The following CC2D2B variants were observed in gnomAD, a reference collection of about 807,000 sequenced individuals.
CC2D2B encodes coiled-coil and C2 domain containing 2B.
Under a neutral mutation model 161.2 loss-of-function variants are expected in CC2D2B, and 128 were observed. The observed-to-expected ratio is 0.79, with a 90% CI of 0.69 to 0.92. CC2D2B has a LOEUF of 0.92. Among genes scored for constraint, CC2D2B ranks in the 40% least tolerant of loss-of-function variants. The pLI, the probability that CC2D2B is intolerant of heterozygous loss-of-function variation, is 0.00. For synonymous variants in CC2D2B, 391 were observed against 449.8 expected (o/e 0.87, Z 1.65); for missense variants, 1,173 against 1,375.1 (o/e 0.85, Z 2.32).
intron 17 of CC2D2B, among the ~76,000 whole-genome samples, chr10:95,978,399 C>CT (rs2077394403): frequency 6.6e-6 from 1 of 152,162 alleles, no homozygotes; most frequent in Non-Finnish European, 1.5e-5. Flanking sequence ...GGGTCTCACT[C>CT]TGTCACTCAG....
intron 11 of CC2D2B, among the ~76,000 whole-genome samples, chr10:95,958,303 T>C (rs1013924465): frequency 7.9e-5 from 12 of 151,974 alleles, no homozygotes; most frequent in Non-Finnish European, 1.2e-4. Context: ...ACTAGCGTAG[T>C]TAACATGGTG....
intron 9 of CC2D2B, among the ~76,000 whole-genome samples, chr10:95,947,434 T>A (rs2076259840): frequency 7.0e-6 from 1 of 142,838 alleles, no homozygotes; most frequent in African/African-American, 2.4e-5. Flanking sequence ...ACTTTCTTAA[T>A]AAACTTGCTT....
intron 33 of CC2D2B, among the ~76,000 whole-genome samples, chr10:96,025,152 AAAATATATATATAT>A (rs2079643409): frequency 4.0e-5 from 1 of 25,156 alleles, no homozygotes; most frequent in Admixed American, 6.7e-4. Context: ...CTACTAAAAA[AAAATATATATATAT>A]ATATATATAT....
chr10:95,935,551 A>C lies in CC2D2B; in HGVS notation c.337-2440A>C, dbSNP rs140760617. 7.4e-3 allele frequency among the ~76,000 whole-genome samples: 1,114 copies of C among 151,268 alleles called. 5 individuals are homozygous for C. The highest frequency in any genetic ancestry group is 0.038 in the South Asian group (182 of 4,788). On this transcript the variant is annotated intron_variant, in intron 6 of 34. Coordinates refer to ENST00000646931, the MANE Select transcript of CC2D2B (RefSeq NM_001349008.3). ...CCTCATTCACAATAAAAGTCCTTAC[A>C]GGGGGGACCTGGTCCCCTTAGCACC... is the stretch of plus-strand genomic sequence containing the variant.
At chr10:95,929,400 T>G (rs956495176) in intron 6 of CC2D2B, among the ~76,000 whole-genome samples, 7 of 152,230 alleles carry the variant, frequency 4.6e-5, no homozygotes, top group African/African-American at 1.7e-4. Context: ...TTTAGTTTAA[T>G]TAGATCCCAT....
At chr10:95,916,168 T>C (rs1306176151) in intron 2 of CC2D2B, among the ~76,000 whole-genome samples, 1 of 152,106 alleles carries the variant, frequency 6.6e-6, no homozygotes, top group Non-Finnish European at 1.5e-5. Flanking sequence ...TTCTTCTAGG[T>C]TTTTAAATTT....
At chr10:95,931,632 G>A (rs2098550205) in intron 6 of CC2D2B, among the ~76,000 whole-genome samples, 1 of 151,950 alleles carries the variant, frequency 6.6e-6, no homozygotes, top group Non-Finnish European at 1.5e-5. Flanking sequence ...CCTTAATTTT[G>A]ATACTTACCC....
intron 9 of CC2D2B, among the ~76,000 whole-genome samples, chr10:95,945,245 C>A (rs1021136494): frequency 6.6e-6 from 1 of 152,164 alleles, no homozygotes; most frequent in African/African-American, 2.4e-5. Context: ...CAGATCATGT[C>A]CTAGATTTTG....
At chr10:96,013,341 T>C (rs555916217) in intron 28 of CC2D2B, among the ~76,000 whole-genome samples, 39 of 151,468 alleles carry the variant, frequency 2.6e-4, no homozygotes, top group African/African-American at 9.2e-4. Flanking sequence ...AATAAAGTTA[T>C]ATTCACAAAA....
In CC2D2B at chr10:96,019,285, T is replaced by C. The variant is rs2079349486; in HGVS notation, c.3713T>C (p.Phe1238Ser). ...TCAACTGGCCAATGTTATAAGCAGT[T>C]TGACCCGTTTTGTCCCTTAAAAAGT... ...NPSTGQCYKQFDPFCPLKSVD... is the reference protein window; with the variant it reads ...NPSTGQCYKQSDPFCPLKSVD... The change falls in exon 31 of 35, where the codon TTT becomes TCT. Residue 1238 changes from phenylalanine to serine, a missense_variant. This residue lies in a region of CC2D2B where 598 missense variants were observed against 693.2 expected (regional missense o/e 0.86). Transcript: ENST00000646931. 1 of 1,613,278 alleles carries C rather than the reference T, an allele frequency of 6.2e-7. No homozygotes were observed. The highest frequency in any genetic ancestry group is 1.3e-5 in the African/African-American group (1 of 75,022).
intron 24 of CC2D2B, chr10:96,000,369 T>C (rs2078429117): frequency 2.9e-6 from 1 of 341,788 alleles, no homozygotes; most frequent in Non-Finnish European, 4.1e-6. Context: ...AATGTATTTA[T>C]ATATTTATCT....
Position 95,926,564 on chromosome 10 carries a change from A to T in CC2D2B, c.241-673A>T, listed in dbSNP as rs2141192083. Among the ~76,000 whole-genome samples the T allele has an allele frequency of 1.3e-5, 2 of 151,738 alleles. 1 individual carries two copies. Among genetic ancestry groups the T allele is most frequent in the South Asian group, 4.2e-4 (2 of 4,818 alleles). On this transcript the variant is annotated intron_variant, in intron 5 of 34. Transcript: ENST00000646931. The stretch of plus-strand genomic sequence containing the variant: ...TATATCTTATAATTTTATATTTTAC[A>T]TATTTTAAATTCTTTCATTCCTAGT...
chr10:95,999,931 G>T, intron 24 of CC2D2B: 1 of 528,612 alleles, frequency 1.9e-6, no homozygotes. Flanking sequence ...TCCTTCACGT[G>T]TTTCGGGAAG....
At chr10:95,991,128 G>T (rs1196615638) in intron 20 of CC2D2B, among the ~76,000 whole-genome samples, 1 of 152,146 alleles carries the variant, frequency 6.6e-6, no homozygotes, top group Non-Finnish European at 1.5e-5. Flanking sequence ...AGGATGAGAT[G>T]AACTGGATGT....
At chr10:95,925,113 T>C (rs2098536087) in intron 5 of CC2D2B, among the ~76,000 whole-genome samples, 1 of 152,178 alleles carries the variant, frequency 6.6e-6, no homozygotes, top group Non-Finnish European at 1.5e-5. Flanking sequence ...AAAGATAAAC[T>C]TAGGAACATT....
chr10:95,939,783 T>C (rs1287051941), intron 9 of CC2D2B, among the ~76,000 whole-genome samples: 1 of 152,208 alleles, frequency 6.6e-6, no homozygotes, highest in Non-Finnish European at 1.5e-5. Flanking sequence ...AGGACAGCCT[T>C]TTTTATGAAA....
rs139478187 is a variant in CC2D2B at position 95,954,619 on chromosome 10, C to T, written c.1012-775C>T. 3.8e-3 allele frequency among the ~76,000 whole-genome samples: 572 copies of T among 152,182 alleles called. 5 individuals are homozygous for T. The highest frequency in any genetic ancestry group is 0.014 in the South Asian group (66 of 4,818). ...CATGAACCTTAGAATTAGCTTGTCACCTTCTATTTTTAAAACCCTGTTACC... is the reference window on the plus strand; with the variant it reads ...CATGAACCTTAGAATTAGCTTGTCATCTTCTATTTTTAAAACCCTGTTACC... On this transcript the variant is annotated intron_variant, in intron 10 of 34. Coordinates refer to ENST00000646931, the MANE Select transcript of CC2D2B (RefSeq NM_001349008.3).
In CC2D2B at chr10:95,966,231, A is replaced by G. The variant is rs1333822186; in HGVS notation, c.1395A>G (p.Arg465=). The change falls in exon 14 of 35, where the codon AGA becomes AGG. Residue 465 remains arginine (R), a synonymous_variant. Transcript: ENST00000646931. The part of the protein sequence containing the change: ...YLASDETEIE[R]IKPITLRPQL... ...CTTCAGACGAAACAGAAATTGAAAG[A>G]ATAAAGCCAATTACCTTGAGGCCAC... The G allele has an allele frequency of 2.4e-6, 3 of 1,228,214 alleles. No homozygotes were observed. The highest frequency in any genetic ancestry group is 3.0e-6 in the Non-Finnish European group (3 of 984,772). The allele number at this position is 1,228,214 out of a possible 1,614,324, so 76.1% of individuals were successfully genotyped here.
intron 24 of CC2D2B, among the ~76,000 whole-genome samples, chr10:95,998,166 T>A (rs1471538767): frequency 6.6e-6 from 1 of 152,030 alleles, no homozygotes; most frequent in Non-Finnish European, 1.5e-5. Context: ...AGTACAGAGT[T>A]CCCACAAATG....
Sources: gnomAD v4.1 joint callset for allele counts (sites outside exome capture counted in the v4.1 genomes callset) on GRCh38, gnomAD v4.1.1 for gene constraint, gnomAD v4.1.1 regional missense constraint, MANE v1.5 for transcripts, NCBI Gene and HGNC (gene_info 2026-07-23, HGNC 2026-07-21) for gene names.